Variants in DYNC1I1 observed in about 807,000 individuals in gnomAD.
The protein encoded by DYNC1I1 is cytoplasmic dynein 1 intermediate chain 1.
DYNC1I1 carries 43 observed loss-of-function variants against 86.6 expected under a neutral mutation model. That is an observed-to-expected ratio of 0.50 (90% CI 0.39 to 0.64). The LOEUF is 0.64. DYNC1I1 is among the 30% of genes least tolerant of loss of function. The pLI is 0.00. For synonymous variants in DYNC1I1, 262 were observed against 283.7 expected, an observed-to-expected ratio of 0.92 and a Z score of 0.77; for missense variants, 604 against 788.8, an observed-to-expected ratio of 0.77 and a Z score of 2.81.
chr7:95,856,550 T>C (rs963643988), intron 5 of DYNC1I1, among the ~76,000 whole-genome samples: 4 of 152,232 alleles, frequency 2.6e-5, no homozygotes, highest in African/African-American at 9.6e-5. Context: ...GAAAAATATT[T>C]TTGTAAACTT....
At chr7:96,001,222 T>C (rs1562968263) in intron 10 of DYNC1I1, among the ~76,000 whole-genome samples, 1 of 152,098 alleles carries the variant, frequency 6.6e-6, no homozygotes, top group African/African-American at 2.4e-5. Flanking sequence ...CTGGGAATTA[T>C]GGATGCTGTG....
In DYNC1I1 at chr7:96,035,446, C is replaced by T. The variant is rs546337489; in HGVS notation, c.1231-173C>T. Among the ~76,000 whole-genome samples, 12 of 152,198 alleles carry T rather than the reference C, an allele frequency of 7.9e-5. No homozygotes were observed. In the South Asian group the frequency reaches 2.5e-3, roughly 32 times the overall value. ...ATCCAGCCGGCTTGAAACCAGAGATCCACAGAAGCATGAATGTCAGGGGCA... is the reference window on the plus strand; with the variant it reads ...ATCCAGCCGGCTTGAAACCAGAGATTCACAGAAGCATGAATGTCAGGGGCA... On this transcript the variant is annotated intron_variant, in intron 12 of 16. Transcript: ENST00000447467.
chr7:95,926,011 C>T (rs1410516075), intron 6 of DYNC1I1, among the ~76,000 whole-genome samples: 1 of 152,108 alleles, frequency 6.6e-6, no homozygotes, highest in East Asian at 1.9e-4. Context: ...ATTTAGTTGT[C>T]AAATATAATG....
At chr7:95,804,401 T>G in intron 1 of DYNC1I1, 1 of 1,263,590 alleles carries the variant, frequency 7.9e-7, no homozygotes, top group Non-Finnish European at 1.0e-6. Context: ...CTTATTTATT[T>G]TTGTTTATTT....
At chr7:95,924,824 T>G (rs1791700561) in intron 6 of DYNC1I1, among the ~76,000 whole-genome samples, 1 of 152,188 alleles carries the variant, frequency 6.6e-6, no homozygotes, top group African/African-American at 2.4e-5. Flanking sequence ...GTAAACTGCA[T>G]GGGCAGGAAT....
intron 5 of DYNC1I1, among the ~76,000 whole-genome samples, chr7:95,845,091 T>C (rs923843999): frequency 6.6e-6 from 1 of 152,242 alleles, no homozygotes; most frequent in African/African-American, 2.4e-5. Context: ...TCTCTTTCAC[T>C]GTCATAATTT....
chr7:96,097,595 G>A lies in DYNC1I1; in HGVS notation c.*2G>A, dbSNP rs1325161551. On this transcript the variant is annotated 3_prime_UTR_variant, in exon 17 of 17. Coordinates refer to ENST00000447467, the MANE Select transcript of DYNC1I1 (RefSeq NM_001135556.2). ...GGCACTGTTGAGTTATCTGCCTAGT[G>A]GAAATGAGCCACCCCCACTGCAGCC... is the stretch of plus-strand genomic sequence containing the variant. The A allele has an allele frequency of 6.8e-6, 11 of 1,613,374 alleles. No individual in the cohort carries two copies. Among genetic ancestry groups the A allele is most frequent in the South Asian group, 6.6e-5 (6 of 91,050 alleles).
At chr7:96,102,514 C>A (rs1421051906), downstream of DYNC1I1, among the ~76,000 whole-genome samples, 2 of 152,186 alleles carry the variant, frequency 1.3e-5, no homozygotes, top group Non-Finnish European at 2.9e-5. Context: ...GCCCCCACCA[C>A]AAAGAAGGAA....
At chr7:95,959,430 G>A (rs1212662200) in intron 6 of DYNC1I1, among the ~76,000 whole-genome samples, 2 of 152,130 alleles carry the variant, frequency 1.3e-5, no homozygotes, top group East Asian at 1.9e-4. Context: ...GGAGGAGAAC[G>A]GGGAAGGAAA....
intron 5 of DYNC1I1, among the ~76,000 whole-genome samples, chr7:95,840,646 A>G (rs7793823): frequency 0.073 from 11,171 of 152,214 alleles, 506 homozygotes; most frequent in Non-Finnish European, 0.096. Flanking sequence ...TGCACATTTT[A>G]TAGAACAACC....
At chr7:95,958,182 C>A (rs1013787158) in intron 6 of DYNC1I1, among the ~76,000 whole-genome samples, 2 of 152,100 alleles carry the variant, frequency 1.3e-5, no homozygotes, top group African/African-American at 4.8e-5. Context: ...AGAACCAGAA[C>A]CATAGAAAGA....
intron 6 of DYNC1I1, among the ~76,000 whole-genome samples, chr7:95,927,109 C>G (rs1584166940): frequency 6.6e-6 from 1 of 151,910 alleles, no homozygotes; most frequent in Admixed American, 6.6e-5. Flanking sequence ...TGATTTTATT[C>G]CAGTATGTGA....
At chr7:96,049,185 G>A (rs1789313881) in intron 14 of DYNC1I1, among the ~76,000 whole-genome samples, 1 of 149,474 alleles carries the variant, frequency 6.7e-6, no homozygotes, top group African/African-American at 2.5e-5. Context: ...GTGAACCCAG[G>A]AGGCAGAGCT....
At chr7:96,043,652 C>G (rs1485873391) in intron 14 of DYNC1I1, among the ~76,000 whole-genome samples, 2 of 151,852 alleles carry the variant, frequency 1.3e-5, no homozygotes, top group Admixed American at 1.3e-4. Flanking sequence ...CTTTACAAGG[C>G]TACCAGGGAA....
At chr7:95,865,268 A>G (rs1789987729) in intron 5 of DYNC1I1, among the ~76,000 whole-genome samples, 1 of 152,248 alleles carries the variant, frequency 6.6e-6, no homozygotes, top group Non-Finnish European at 1.5e-5. Context: ...ATTATAGTTC[A>G]GTAATTTTAA....
chr7:96,108,132 T>A (rs1469420755), intron 16 of DYNC1I1, among the ~76,000 whole-genome samples: 1 of 152,160 alleles, frequency 6.6e-6, no homozygotes, highest in East Asian at 1.9e-4. Context: ...ATTCCTAGTT[T>A]GTGAGACTTT....
chr7:95,975,645 C>A (rs1053243256), intron 6 of DYNC1I1, among the ~76,000 whole-genome samples: 3 of 152,164 alleles, frequency 2.0e-5, no homozygotes, highest in African/African-American at 7.2e-5. Context: ...ATTACTTCAA[C>A]ATATGAATTT....
intron 6 of DYNC1I1, among the ~76,000 whole-genome samples, chr7:95,943,349 A>G (rs1316201717): frequency 1.3e-5 from 2 of 151,808 alleles, no homozygotes; most frequent in East Asian, 3.9e-4. Context: ...GAGAACTACA[A>G]ACCACTGCTC....
Position 96,032,529 on chromosome 7 carries a change from G to A in DYNC1I1, c.1117-138G>A, listed in dbSNP as rs76031033. On this transcript the variant is annotated intron_variant, in intron 11 of 16. Transcript: ENST00000447467. ...AAGAAATCAGGTTCAAATCAAAAGC[G>A]GCAAATGACCTGACGCTTGTATTAT... is the stretch of plus-strand genomic sequence containing the variant. The A allele has an allele frequency of 5.6e-3, 3,506 of 624,954 alleles. 72 individuals carry two copies. The highest frequency in any genetic ancestry group is 0.053 in the Admixed American group (1,626 of 30,962). 38.7% of individuals were successfully genotyped at this position (624,954 alleles called of 1,614,324 possible).
Sources: allele counts gnomAD v4.1 joint callset (sites outside exome capture counted in the v4.1 genomes callset), GRCh38; gene constraint gnomAD v4.1.1; transcripts MANE v1.5; gene names NCBI Gene and HGNC (gene_info 2026-07-23, HGNC 2026-07-21).